The following GPM6A variants were observed in gnomAD, a reference collection of about 807,000 sequenced individuals.
GPM6A encodes the protein glycoprotein M6A, also known as neuronal membrane glycoprotein M6-a.
In GPM6A, 7 loss-of-function variants were observed where a neutral mutation model predicts 32.1. The observed-to-expected ratio is 0.22, with a 90% CI of 0.12 to 0.41. GPM6A has a LOEUF of 0.41. Ranked by LOEUF, GPM6A falls within the 10% of genes least tolerant of loss-of-function variation. The pLI is 1.00. For synonymous variants in GPM6A, 130 were observed against 123.4 expected (o/e 1.05, Z -0.35); for missense variants, 235 against 347.2 (o/e 0.68, Z 2.57).
intron 2 of GPM6A, among the ~76,000 whole-genome samples, chr4:175,687,196 T>G (rs1744030683): frequency 6.6e-6 from 1 of 152,156 alleles, no homozygotes; most frequent in Non-Finnish European, 1.5e-5. Flanking sequence ...AATATGGGAT[T>G]TACTCTCTTA....
intron 3 of GPM6A, among the ~76,000 whole-genome samples, chr4:175,660,877 A>T (rs955705932): frequency 2.9e-4 from 44 of 152,330 alleles, no homozygotes; most frequent in African/African-American, 1.1e-3. Flanking sequence ...ACAGTGTGAC[A>T]CTTTTTACTA....
At chr4:175,945,307 C>T (rs77847531) in intron 1 of GPM6A, among the ~76,000 whole-genome samples, 1,898 of 152,160 alleles carry the variant, frequency 0.012, 37 homozygotes, top group African/African-American at 0.043. Context: ...GATGAACAAG[C>T]ATCATGTTCT....
At chr4:175,705,430 G>A (rs570046584) in intron 1 of GPM6A, among the ~76,000 whole-genome samples, 72 of 152,176 alleles carry the variant, frequency 4.7e-4, no homozygotes, top group Non-Finnish European at 9.3e-4. Flanking sequence ...CACACATTTC[G>A]CACTTGTAAC....
intron 1 of GPM6A, among the ~76,000 whole-genome samples, chr4:175,887,688 A>G (rs777236810): frequency 6.6e-6 from 1 of 151,942 alleles, no homozygotes; most frequent in Non-Finnish European, 1.5e-5. Flanking sequence ...ATTAGACACA[A>G]TAAAAATATA....
intron 1 of GPM6A, among the ~76,000 whole-genome samples, chr4:175,910,118 A>G (rs1008795938): frequency 2.0e-5 from 3 of 152,110 alleles, no homozygotes; most frequent in South Asian, 4.1e-4. Context: ...ATTTCAAGCT[A>G]CAGATGTGCT....
At chr4:175,812,916 T>C (rs947047517), upstream of GPM6A, 6 of 985,222 alleles carry the variant, frequency 6.1e-6, no homozygotes, top group Non-Finnish European at 7.2e-6. Flanking sequence ...TCTCAGGGTT[T>C]ATCTGCAAAA....
chr4:175,970,053 A>T (rs1320265926), intron 1 of GPM6A, among the ~76,000 whole-genome samples: 1 of 152,240 alleles, frequency 6.6e-6, no homozygotes, highest in African/African-American at 2.4e-5. Context: ...AATGACGCCG[A>T]AATATTCCAC....
At chr4:175,867,880 TTAAA>T (rs910768929) in intron 1 of GPM6A, among the ~76,000 whole-genome samples, 1 of 152,194 alleles carries the variant, frequency 6.6e-6, no homozygotes, top group Non-Finnish European at 1.5e-5. Flanking sequence ...TTGGTTCTGG[TTAAA>T]TAGTTTCTCC....
At chr4:175,887,550 G>T (rs1737499815) in intron 1 of GPM6A, among the ~76,000 whole-genome samples, 1 of 151,732 alleles carries the variant, frequency 6.6e-6, no homozygotes, top group Non-Finnish European at 1.5e-5. Flanking sequence ...AAGATGAAAA[G>T]AGTAATTAAT....
chr4:175,736,056 C>T (rs1731646450), intron 1 of GPM6A, among the ~76,000 whole-genome samples: 1 of 151,752 alleles, frequency 6.6e-6, no homozygotes, highest in South Asian at 2.1e-4. Context: ...AACAGGATCT[C>T]ACTCTATTGC....
At chr4:175,892,059 T>C (rs187946865) in intron 1 of GPM6A, among the ~76,000 whole-genome samples, 5 of 152,318 alleles carry the variant, frequency 3.3e-5, no homozygotes, top group Admixed American at 1.3e-4. Flanking sequence ...GGAAGCAGTC[T>C]AGTACTTTAA....
intron 1 of GPM6A, among the ~76,000 whole-genome samples, chr4:175,796,571 A>G (rs1386802774): frequency 6.6e-6 from 1 of 152,184 alleles, no homozygotes; most frequent in Non-Finnish European, 1.5e-5. Context: ...TATTTACACT[A>G]CCTTCCCTCT....
At chr4:175,887,169 A>C (rs1250695702) in intron 1 of GPM6A, among the ~76,000 whole-genome samples, 3 of 152,022 alleles carry the variant, frequency 2.0e-5, no homozygotes, top group Non-Finnish European at 4.4e-5. Context: ...TTTTATAAAC[A>C]CCAATCAATT....
intron 1 of GPM6A, among the ~76,000 whole-genome samples, chr4:175,715,123 A>G (rs1261936396): frequency 6.6e-6 from 1 of 152,148 alleles, no homozygotes; most frequent in African/African-American, 2.4e-5. Context: ...TAAATGGACT[A>G]ATTAACATAA....
chr4:175,660,435 C>T (rs549792038), intron 3 of GPM6A, among the ~76,000 whole-genome samples: 38 of 151,340 alleles, frequency 2.5e-4, no homozygotes, highest in South Asian at 6.3e-4. Flanking sequence ...CCAAGTATGG[C>T]ACTAATGATA....
intron 1 of GPM6A, among the ~76,000 whole-genome samples, chr4:175,724,875 C>A (rs988157894): frequency 6.6e-6 from 1 of 152,038 alleles, no homozygotes; most frequent in Non-Finnish European, 1.5e-5. Flanking sequence ...TCACCTTCTA[C>A]TTCACTCTCT....
chr4:175,778,944 G>GTA (rs1243010935), intron 1 of GPM6A, among the ~76,000 whole-genome samples: 1 of 151,162 alleles, frequency 6.6e-6, no homozygotes, highest in African/African-American at 2.4e-5. Flanking sequence ...TAATACATAA[G>GTA]TATATATATC....
intron 1 of GPM6A, among the ~76,000 whole-genome samples, chr4:175,984,308 G>C (rs919415572): frequency 6.6e-6 from 1 of 152,006 alleles, no homozygotes; most frequent in East Asian, 1.9e-4. Context: ...GACTACAGGT[G>C]CGTTCCACCA....
At chr4:175,899,909 T>G (rs764276903) in intron 1 of GPM6A, among the ~76,000 whole-genome samples, 2 of 151,992 alleles carry the variant, frequency 1.3e-5, no homozygotes, top group Non-Finnish European at 2.9e-5. Flanking sequence ...CAGCAAAGGA[T>G]CTAATCAACA....
Sources: gnomAD v4.1 joint callset for allele counts (sites outside exome capture counted in the v4.1 genomes callset) on GRCh38, gnomAD v4.1.1 for gene constraint, MANE v1.5 for transcripts, NCBI Gene and HGNC (gene_info 2026-07-23, HGNC 2026-07-21) for gene names.